MIR2052HG: variants seen among roughly 807,000 people sequenced by gnomAD.
The protein encoded by MIR2052HG is MIR2052 host gene.
At chr8:74,631,374 G>A (rs1393569190) in intron 2 of MIR2052HG, among the ~76,000 whole-genome samples, 2 of 152,178 alleles carry the variant, frequency 1.3e-5, no homozygotes, top group East Asian at 1.9e-4. Flanking sequence ...ACAATGTTTG[G>A]TGTATTTGAA....
chr8:74,664,738 G>A (rs759596018), intron 2 of MIR2052HG, among the ~76,000 whole-genome samples: 3 of 152,226 alleles, frequency 2.0e-5, no homozygotes, highest in South Asian at 2.1e-4. Flanking sequence ...AGCCGGTCTC[G>A]AACTCCTGAC....
At chr8:74,691,365 A>T (rs55806120) in intron 2 of MIR2052HG, among the ~76,000 whole-genome samples, 2,739 of 152,278 alleles carry the variant, frequency 0.018, 68 homozygotes, top group African/African-American at 0.062. Context: ...AGGTGCTCTG[A>T]GGAGTTGGTC....
In MIR2052HG at chr8:74,676,256, A is replaced by G. The variant is rs548798868; in HGVS notation, n.217-26123A>G. Among the ~76,000 whole-genome samples the G allele has an allele frequency of 1.1e-4, 17 of 152,178 alleles. No individual in the cohort carries two copies. In the East Asian group the frequency reaches 2.7e-3, roughly 24 times the overall value. On this transcript the variant is annotated intron_variant and non_coding_transcript_variant, in intron 2 of 6. Coordinates refer to ENST00000523442, the Ensembl canonical transcript of MIR2052HG. ...TAAACATATGTAGATGCATAAATAA[A>G]TAGCAGATAAATTAATAATAAAATG...
intron 2 of MIR2052HG, among the ~76,000 whole-genome samples, chr8:74,627,757 T>C (rs1257074265): frequency 6.6e-6 from 1 of 152,158 alleles, no homozygotes; most frequent in African/African-American, 2.4e-5. Flanking sequence ...TGCCTGAATA[T>C]TTAAGGAATC....
intron 2 of MIR2052HG, among the ~76,000 whole-genome samples, chr8:74,684,348 AACT>A (rs1481995816): frequency 6.6e-6 from 1 of 152,036 alleles, no homozygotes; most frequent in African/African-American, 2.4e-5. Context: ...AGCCAAACCA[AACT>A]ACGCAAACAT....
intron 2 of MIR2052HG, among the ~76,000 whole-genome samples, chr8:74,701,879 G>A (rs935164211): frequency 7.2e-5 from 11 of 152,170 alleles, no homozygotes; most frequent in Admixed American, 4.6e-4. Flanking sequence ...GTTAATGTCC[G>A]GTGAGTTTCT....
chr8:74,654,382 T>C (rs1469724581), intron 2 of MIR2052HG, among the ~76,000 whole-genome samples: 1 of 152,086 alleles, frequency 6.6e-6, no homozygotes, highest in Non-Finnish European at 1.5e-5. Context: ...ATTGATCAGA[T>C]GGGGACTGAT....
chr8:74,602,817 GTTTC>G (rs58455200), intron 1 of MIR2052HG, among the ~76,000 whole-genome samples: 2,033 of 73,806 alleles, frequency 0.028, 83 homozygotes, highest in South Asian at 0.05. Flanking sequence ...GCCCGGCCGT[GTTTC>G]TTTCTTTCTT....
chr8:74,624,290 T>C (rs1025323471), intron 2 of MIR2052HG, among the ~76,000 whole-genome samples: 3 of 152,248 alleles, frequency 2.0e-5, no homozygotes, highest in African/African-American at 7.2e-5. Context: ...GCCAAGTTTC[T>C]GGGCTTATGT....
chr8:74,693,191 C>T (rs191165975), intron 2 of MIR2052HG, among the ~76,000 whole-genome samples: 17 of 152,224 alleles, frequency 1.1e-4, no homozygotes, highest in African/African-American at 3.1e-4. Flanking sequence ...CTTGTTGTAA[C>T]CAACTTGTCA....
intron 2 of MIR2052HG, chr8:74,625,155 C>T (rs1586894785): frequency 6.6e-6 from 1 of 152,028 alleles, no homozygotes; most frequent in East Asian, 1.9e-4. Context: ...GATTCCTGGG[C>T]TCAAGTGGTC....
chr8:74,694,329 G>A (rs1005766481), intron 2 of MIR2052HG, among the ~76,000 whole-genome samples: 3 of 152,194 alleles, frequency 2.0e-5, no homozygotes, highest in African/African-American at 4.8e-5. Flanking sequence ...CATGAAGGGA[G>A]CAACCCATGG....
intron 2 of MIR2052HG, among the ~76,000 whole-genome samples, chr8:74,673,587 T>G (rs1300296807): frequency 6.6e-6 from 1 of 151,976 alleles, no homozygotes; most frequent in Non-Finnish European, 1.5e-5. Context: ...GTATCTAGGC[T>G]AAAAGCAGGA....
intron 1 of MIR2052HG, chr8:74,609,707 A>G (rs1808164534): frequency 6.7e-6 from 1 of 149,764 alleles, no homozygotes. Flanking sequence ...ATTTAATGTA[A>G]TAAATGTATT....
At chr8:74,714,698 C>CTTTTTTTTTTTTTT (rs10715580) in intron 4 of MIR2052HG, among the ~76,000 whole-genome samples, 10 of 124,438 alleles carry the variant, frequency 8.0e-5, no homozygotes, top group Admixed American at 8.6e-5. Context: ...CTTTTTCCTT[C>CTTTTTTTTTTTTTT]TTTTTTTTTT....
chr8:74,708,682 A>G (rs1351631371), intron 4 of MIR2052HG, among the ~76,000 whole-genome samples: 1 of 152,074 alleles, frequency 6.6e-6, no homozygotes, highest in Non-Finnish European at 1.5e-5. Flanking sequence ...GTAAAATATA[A>G]TGTATAAATT....
At chr8:74,686,120 A>T (rs546747613) in intron 2 of MIR2052HG, among the ~76,000 whole-genome samples, 14,409 of 151,680 alleles carry the variant, frequency 0.095, 1,503 homozygotes, top group African/African-American at 0.26. Flanking sequence ...CTTCAAAAAA[A>T]ATTCAACTTC....
intron 4 of MIR2052HG, among the ~76,000 whole-genome samples, chr8:74,737,814 A>G (rs576668173): frequency 3.5e-4 from 53 of 152,306 alleles, no homozygotes; most frequent in African/African-American, 1.2e-3. Context: ...TCTTACATAC[A>G]TAGTTTTTCT....
intron 1 of MIR2052HG, among the ~76,000 whole-genome samples, chr8:74,607,044 GA>G (rs1268491394): frequency 6.7e-6 from 1 of 150,208 alleles, no homozygotes; most frequent in African/African-American, 2.5e-5. Flanking sequence ...AAAGATTGGA[GA>G]AAAAAGCAAG....
Sources: gnomAD v4.1 joint callset for allele counts (sites outside exome capture counted in the v4.1 genomes callset) on GRCh38, gnomAD v4.1.1 for gene constraint, MANE v1.5 for transcripts, NCBI Gene and HGNC (gene_info 2026-07-23, HGNC 2026-07-21) for gene names.